Variants in ARHGAP24 observed in about 807,000 individuals in gnomAD.
ARHGAP24 encodes the protein Rho GTPase activating protein 24, also known as rho GTPase-activating protein 24.
ARHGAP24 carries 50 observed loss-of-function variants against 76.4 expected under a neutral mutation model. The observed-to-expected ratio is 0.65, with a 90% CI of 0.52 to 0.83. The LOEUF (loss-of-function observed/expected upper bound fraction) is 0.83, where lower values mean the gene tolerates loss of function less well. ARHGAP24 is among the 40% of genes least tolerant of loss of function. ARHGAP24 has a pLI of 0.00. For synonymous variants in ARHGAP24, 345 were observed against 323.3 expected, an observed-to-expected ratio of 1.07 and a Z score of -0.72; for missense variants, 930 against 914.2, an observed-to-expected ratio of 1.02 and a Z score of -0.22.
intron 1 of ARHGAP24, among the ~76,000 whole-genome samples, chr4:85,508,185 A>G (rs1334004946): frequency 3.3e-5 from 5 of 152,112 alleles, no homozygotes; most frequent in Non-Finnish European, 1.5e-5. Flanking sequence ...TACATTGCTC[A>G]TGCAGTTTTT....
intron 2 of ARHGAP24, among the ~76,000 whole-genome samples, chr4:85,654,205 T>G (rs983157448): frequency 2.0e-5 from 3 of 152,130 alleles, no homozygotes. Context: ...GAGGCCTCTT[T>G]CCTTGGCTTG....
In ARHGAP24 at chr4:85,987,385, A is replaced by G. The variant is rs563764396; in HGVS notation, c.929-7198A>G. On this transcript the variant is annotated intron_variant, in intron 8 of 9. Coordinates refer to ENST00000395184, the MANE Select transcript of ARHGAP24 (RefSeq NM_001025616.3). ...AGAATATATATTTTTTTCAAAATTC[A>G]GTAACCAACTGTATAAAGCCCACAA... Among the ~76,000 whole-genome samples, 33 of 152,096 alleles carry G rather than the reference A, an allele frequency of 2.2e-4. 1 individual carries two copies. The highest frequency in any genetic ancestry group is 2.0e-4 in the Admixed American group (3 of 15,258).
rs757513250 is a variant in ARHGAP24, at chr4:85,995,425, C to G, written c.1771C>G (p.Pro591Ala). ...CTTTTTTGGGGGGAACTTTGAGGAC[C>G]CTGTTTTGGATGGGCCCCCGCAGGA... is the stretch of plus-strand genomic sequence containing the variant. The part of the protein sequence containing the change: ...QDFFGGNFED[P>A]VLDGPPQDDL... Residue 591 changes from proline (P) to alanine (A), a missense_variant, in exon 9 of 10, where the codon CCT (proline) becomes GCT (alanine). Transcript: ENST00000395184. 1.3e-5 allele frequency: 21 copies of G among 1,611,998 alleles called. No homozygotes were observed. The South Asian group carries it at 2.2e-4, about 17-fold the overall frequency.
At chr4:85,837,781 G>A (rs763238797) in intron 3 of ARHGAP24, among the ~76,000 whole-genome samples, 19 of 152,094 alleles carry the variant, frequency 1.2e-4, no homozygotes, top group Non-Finnish European at 1.8e-4. Flanking sequence ...GCCATGCTGC[G>A]GGCAATGTTG....
At chr4:85,653,024 A>G (rs1722004393) in intron 2 of ARHGAP24, among the ~76,000 whole-genome samples, 1 of 152,144 alleles carries the variant, frequency 6.6e-6, no homozygotes, top group Admixed American at 6.6e-5. Flanking sequence ...ATTAATATGT[A>G]TTAGTAAATG....
At chr4:85,565,274 A>G (rs1295089820) in intron 1 of ARHGAP24, among the ~76,000 whole-genome samples, 1 of 152,170 alleles carries the variant, frequency 6.6e-6, no homozygotes, top group Non-Finnish European at 1.5e-5. Context: ...GTGGAATCAC[A>G]TCTTGAAAAG....
At chr4:85,608,555 T>TG (rs2062387805) in intron 2 of ARHGAP24, among the ~76,000 whole-genome samples, 1 of 25,472 alleles carries the variant, frequency 3.9e-5, no homozygotes, top group African/African-American at 3.6e-4. Context: ...TTGGTTGTTT[T>TG]TTTTTTTTTT....
At chr4:85,669,644 A>AATATATAT (rs58332235) in intron 2 of ARHGAP24, among the ~76,000 whole-genome samples, 4 of 93,242 alleles carry the variant, frequency 4.3e-5, no homozygotes, top group South Asian at 3.0e-4. Context: ...TGTACTTTCA[A>AATATATAT]ATATATATAT....
At position 85,994,672 on chromosome 4, in the gene ARHGAP24, C is replaced by A. The variant is rs1306590836; in HGVS notation, c.1018C>A (p.Gln340Lys). Residue 340 changes from glutamine (Q) to lysine (K), a missense_variant, in exon 9 of 10, where the codon CAA becomes AAA. Physicochemically the swap from Gln to Lys is moderately conservative, Grantham distance 53. Coordinates refer to ENST00000395184, the MANE Select transcript of ARHGAP24 (RefSeq NM_001025616.3). ...AGATGCAGAACTACAAAGCAAGCCC[C>A]AAGATGGAGTGAGCAACAACAATGA... ...PKDAELQSKP[Q>K]DGVSNNNEIQ... The A allele has an allele frequency of 6.2e-7, 1 of 1,614,132 alleles. No homozygotes were observed. The highest frequency in any genetic ancestry group is 1.1e-5 in the South Asian group (1 of 91,072).
At position 85,995,218 on chromosome 4, in the gene ARHGAP24, G is replaced by A; in HGVS notation, c.1564G>A (p.Glu522Lys). ...RDNKQKEQAG[E>K]LGQHNRLSTY... ...TAACAAGCAGAAAGAACAAGCTGGAGAGTTAGGCCAGCACAACAGACTGTC... is the reference window on the plus strand; with the variant it reads ...TAACAAGCAGAAAGAACAAGCTGGAAAGTTAGGCCAGCACAACAGACTGTC... The change falls in exon 9 of 10, where the codon GAG (glutamate) becomes AAG (lysine). Residue 522 changes from glutamate to lysine, a missense_variant. Glu to Lys is a moderately conservative substitution (Grantham distance 56). Coordinates refer to ENST00000395184, the MANE Select transcript of ARHGAP24 (RefSeq NM_001025616.3). 3 of 1,614,024 alleles carry A rather than the reference G, an allele frequency of 1.9e-6. No individual in the cohort carries two copies. The highest frequency in any genetic ancestry group is 2.5e-6 in the Non-Finnish European group (3 of 1,180,026).
chr4:85,997,986 G>T (rs1740784193), intron 9 of ARHGAP24, among the ~76,000 whole-genome samples: 1 of 152,056 alleles, frequency 6.6e-6, no homozygotes, highest in African/African-American at 2.4e-5. Context: ...AGGAAATATT[G>T]TATTGTGGTC....
chr4:85,848,855 T>C (rs1339290127), intron 3 of ARHGAP24, among the ~76,000 whole-genome samples: 3 of 152,196 alleles, frequency 2.0e-5, no homozygotes, highest in African/African-American at 4.8e-5. Context: ...TGTAGCCTTG[T>C]AGTATAGTTT....
intron 1 of ARHGAP24, among the ~76,000 whole-genome samples, chr4:85,564,969 T>TAC (rs1323184242): frequency 6.3e-4 from 66 of 105,352 alleles, no homozygotes; most frequent in African/African-American, 1.2e-3. Flanking sequence ...TATATATATA[T>TAC]ACCCACACCC....
At chr4:85,880,691 G>C (rs992464287) in intron 3 of ARHGAP24, among the ~76,000 whole-genome samples, 1 of 152,102 alleles carries the variant, frequency 6.6e-6, no homozygotes, top group African/African-American at 2.4e-5. Context: ...ATCACGCCCG[G>C]CTAATTTTTT....
chr4:85,889,294 G>A (rs1306560088), intron 3 of ARHGAP24, among the ~76,000 whole-genome samples: 2 of 152,166 alleles, frequency 1.3e-5, no homozygotes, highest in Admixed American at 6.5e-5. Flanking sequence ...TGTCCGGCAA[G>A]ATAGAGAGAG....
At chr4:85,848,924 A>T (rs1274964293) in intron 3 of ARHGAP24, among the ~76,000 whole-genome samples, 1 of 152,216 alleles carries the variant, frequency 6.6e-6, no homozygotes, top group Non-Finnish European at 1.5e-5. Flanking sequence ...TGTCTTGGAA[A>T]TGCGGGCTCT....
chr4:85,902,858 C>A (rs764690743), intron 3 of ARHGAP24, among the ~76,000 whole-genome samples: 4 of 152,242 alleles, frequency 2.6e-5, no homozygotes, highest in Admixed American at 6.5e-5. Context: ...CCTGCCTTGG[C>A]CTCCCAAATT....
At chr4:85,890,965 A>G (rs145257347) in intron 3 of ARHGAP24, among the ~76,000 whole-genome samples, 4 of 152,276 alleles carry the variant, frequency 2.6e-5, no homozygotes, top group African/African-American at 9.6e-5. Context: ...GGATCGCCTA[A>G]AATCAATGTA....
At chr4:85,507,955 C>G (rs1242344784) in intron 1 of ARHGAP24, among the ~76,000 whole-genome samples, 1 of 151,866 alleles carries the variant, frequency 6.6e-6, no homozygotes, top group Admixed American at 6.6e-5. Context: ...ATTAAATCAA[C>G]TTAGATGAGA....
Sources: gnomAD v4.1 joint callset for allele counts (sites outside exome capture counted in the v4.1 genomes callset) on GRCh38, gnomAD v4.1.1 for gene constraint, MANE v1.5 for transcripts, NCBI Gene and HGNC (gene_info 2026-07-23, HGNC 2026-07-21) for gene names.